Variants in FHDC1 observed in about 807,000 individuals in gnomAD.
FHDC1 encodes FH2 domain-containing protein 1.
FHDC1 carries 25 observed loss-of-function variants against 52.6 expected under a neutral mutation model. That is an observed-to-expected ratio of 0.48 (90% CI 0.35 to 0.66). The LOEUF is 0.66. Among genes scored for constraint, FHDC1 ranks in the 30% least tolerant of loss-of-function variants. FHDC1 has a pLI of 0.01. For synonymous variants in FHDC1, 616 were observed against 581.5 expected, an observed-to-expected ratio of 1.06 and a Z score of -0.85; for missense variants, 1,459 against 1,452.8, an observed-to-expected ratio of 1.00 and a Z score of -0.07.
At chr4:152,927,836 G>T in the FHDC1 span, 1 of 1,435,134 alleles carries the variant, frequency 7.0e-7, no homozygotes, top group Non-Finnish European at 9.8e-7. Context: ...GAACAAGAAG[G>T]AAGTGGAAAA....
chr4:152,938,000 G>A (rs1225732405), intron 1 of FHDC1, among the ~76,000 whole-genome samples: 1 of 152,126 alleles, frequency 6.6e-6, no homozygotes. Flanking sequence ...GAAAGAAGTG[G>A]TGTCCCAGGA....
In FHDC1 at chr4:152,963,058, G is replaced by C; in HGVS notation, c.957G>C (p.Leu319=). ...CCGGCAATGCAGTAGGATTTAAACT[G>C]TCTTCTTTGCTCAAATTGGCAGACA... The part of the protein sequence containing the change: ...GYAGNAVGFK[L]SSLLKLADTK... Residue 319 remains leucine (L), a synonymous_variant, in exon 8 of 12, where the codon CTG becomes CTC. Coordinates refer to ENST00000511601, the MANE Select transcript of FHDC1 (RefSeq NM_001371116.1). 1 of 1,613,572 alleles carries C rather than the reference G, an allele frequency of 6.2e-7. No individual in the cohort carries two copies. The highest frequency in any genetic ancestry group is 1.7e-5 in the Admixed American group (1 of 59,938).
intron 1 of FHDC1, among the ~76,000 whole-genome samples, chr4:152,937,531 C>T (rs1739425983): frequency 6.6e-6 from 1 of 151,820 alleles, no homozygotes; most frequent in African/African-American, 2.4e-5. Context: ...AATGGGCGAG[C>T]GGGTGCGGCG....
rs143268065 is a variant in FHDC1, at chr4:152,955,141, A to C, written c.663+822A>C. Among the ~76,000 whole-genome samples, 20 of 152,334 alleles carry C rather than the reference A, an allele frequency of 1.3e-4. No individual in the cohort carries two copies. The East Asian group carries it at 3.3e-3, about 25-fold the overall frequency. ...TGAAAACAATCATTTTTGAATAAAG[A>C]TGCTCTAAAATTTTGGGGAGGTAGG... On this transcript the variant is annotated intron_variant, in intron 4 of 11. Coordinates refer to ENST00000511601, the MANE Select transcript of FHDC1 (RefSeq NM_001371116.1).
At chr4:152,932,532 G>T (rs1739271086), upstream of FHDC1, among the ~76,000 whole-genome samples, 1 of 152,316 alleles carries the variant, frequency 6.6e-6, no homozygotes, top group Middle Eastern at 3.4e-3. Context: ...AAGGTCAGAG[G>T]ATTGGCAAGC....
chr4:152,960,415 G>A (rs1209710290), intron 4 of FHDC1, 150 bp from the exon 5 acceptor site: 3 of 733,998 alleles, frequency 4.1e-6, no homozygotes, highest in African/African-American at 1.8e-5. Flanking sequence ...ATAGCAGATG[G>A]GAGGATTTCC....
chr4:152,972,322 C>T (rs1044075535), intron 10 of FHDC1, 55 bp from the exon 11 acceptor site: 27 of 1,523,628 alleles, frequency 1.8e-5, no homozygotes, highest in Middle Eastern at 3.5e-4. Flanking sequence ...CAGTGCCCAG[C>T]GCCGCCTCAG....
chr4:152,935,612 CATT>C (rs539241648), upstream of FHDC1, among the ~76,000 whole-genome samples: 2 of 152,004 alleles, frequency 1.3e-5, no homozygotes, highest in Non-Finnish European at 2.9e-5. Context: ...TTACCATCAT[CATT>C]GAGAATTAAA....
intron 2 of FHDC1, among the ~76,000 whole-genome samples, chr4:152,949,385 CAGA>C (rs1739855398): frequency 6.6e-6 from 1 of 151,900 alleles, no homozygotes. Flanking sequence ...GAGGCTGATG[CAGA>C]AGGATTGCTT....
chr4:152,950,035 A>G (rs949949130), intron 2 of FHDC1, among the ~76,000 whole-genome samples: 1 of 151,854 alleles, frequency 6.6e-6, no homozygotes, highest in Admixed American at 6.6e-5. Flanking sequence ...GAGGGAGGGG[A>G]TGATGCAGCT....
chr4:152,916,141 GAA>G, the FHDC1 span, among the ~76,000 whole-genome samples: 3 of 150,518 alleles, frequency 2.0e-5, no homozygotes, highest in Admixed American at 6.6e-5. Context: ...CATCACAAAA[GAA>G]AAAAAAAATT....
At chr4:152,954,948 A>G (rs567934170) in intron 4 of FHDC1, among the ~76,000 whole-genome samples, 1 of 152,276 alleles carries the variant, frequency 6.6e-6, no homozygotes, top group East Asian at 1.9e-4. Flanking sequence ...GATTGTCAAG[A>G]TGATGAAATC....
At chr4:152,962,940 G>GGGGT (rs377643778) in intron 7 of FHDC1, 56 bp downstream of exon 7, 30 of 936,380 alleles carry the variant, frequency 3.2e-5, no homozygotes, top group African/African-American at 1.8e-4. Context: ...TCTATCTAAA[G>GGGGT]GTGTGTGTGT....
chr4:152,935,832 T>G (rs570742167), upstream of FHDC1, among the ~76,000 whole-genome samples: 2,417 of 126,454 alleles, frequency 0.019, 63 homozygotes, highest in African/African-American at 0.059. Context: ...CGTGTGCGGG[T>G]GTGTGTGTGT....
In FHDC1 at chr4:152,976,456, C is replaced by G. The variant is rs374019374; in HGVS notation, c.3165C>G (p.Ala1055=). The G allele has an allele frequency of 7.4e-6, 12 of 1,613,532 alleles. No individual in the cohort carries two copies. Among genetic ancestry groups the G allele is most frequent in the African/African-American group, 2.7e-5 (2 of 74,922 alleles). Residue 1055 remains alanine (A), a synonymous_variant, in exon 12 of 12, where the codon GCC becomes GCG. Transcript: ENST00000511601. The part of the protein sequence containing the change: ...RSMRTDLPPV[A]KAPGITRTVS... ...TGAGAACAGATCTTCCTCCCGTGGC[C>G]AAAGCCCCCGGCATCACTCGGACAG...
At position 152,949,121 on chromosome 4, in the gene FHDC1, T is replaced by TAAGAAGAAGAAG. The variant is rs1423440219; in HGVS notation, c.499-4376_499-4375insGAAGAAGAAGAA. Among the ~76,000 whole-genome samples, 491 of 65,396 alleles carry TAAGAAGAAGAAG rather than the reference T, an allele frequency of 7.5e-3. 3 individuals carry two copies. Among genetic ancestry groups the TAAGAAGAAGAAG allele is most frequent in the East Asian group, 0.024 (46 of 1,916 alleles). 42.9% of individuals were successfully genotyped at this position (65,396 alleles called of 152,430 possible). On this transcript the variant is annotated intron_variant, in intron 2 of 11. Transcript: ENST00000511601. ...ATAATAATAATAATAATAATAATAA[T>TAAGAAGAAGAAG]AATAAGAAGAAGAAGAAGAAGAAGA...
chr4:152,976,783 G>C lies in FHDC1; in HGVS notation c.*60G>C. Reference sequence around the variant, plus strand: ...GACGGTGAAGACTGACTTCTGGGACGAGGATGGGGAAAGAGGCAGCATGTC... The same window carrying C: ...GACGGTGAAGACTGACTTCTGGGACCAGGATGGGGAAAGAGGCAGCATGTC... On this transcript the variant is annotated 3_prime_UTR_variant, in exon 12 of 12. Coordinates refer to ENST00000511601, the MANE Select transcript of FHDC1 (RefSeq NM_001371116.1). The C allele has an allele frequency of 2.8e-6, 4 of 1,441,728 alleles. No individual in the cohort carries two copies. The highest frequency in any genetic ancestry group is 1.5e-5 in the South Asian group (1 of 65,258). 89.3% of individuals were successfully genotyped at this position (1,441,728 alleles called of 1,614,324 possible).
the FHDC1 span, among the ~76,000 whole-genome samples, chr4:152,920,951 T>C: frequency 6.6e-6 from 1 of 152,158 alleles, no homozygotes; most frequent in South Asian, 2.1e-4. Context: ...TAAATCCTCT[T>C]GTTATGACTT....
chr4:152,924,612 A>G, the FHDC1 span, among the ~76,000 whole-genome samples: 2 of 152,186 alleles, frequency 1.3e-5, no homozygotes, highest in African/African-American at 4.8e-5. Context: ...AACCAACCCA[A>G]ATGTCCAACA....
Sources: allele counts gnomAD v4.1 joint callset (sites outside exome capture counted in the v4.1 genomes callset), GRCh38; gene constraint gnomAD v4.1.1; transcripts MANE v1.5; gene names NCBI Gene and HGNC (gene_info 2026-07-23, HGNC 2026-07-21).